DLG2: variants seen among roughly 807,000 people sequenced by gnomAD.
The protein encoded by DLG2 is discs large MAGUK scaffold protein 2.
Under a neutral mutation model 132.5 loss-of-function variants are expected in DLG2, and 45 were observed. That is an observed-to-expected ratio of 0.34 (90% confidence interval 0.27 to 0.44). The LOEUF (loss-of-function observed/expected upper bound fraction) is 0.44, where lower values mean the gene tolerates loss of function less well. Ranked by LOEUF, DLG2 falls within the 20% of genes least tolerant of loss-of-function variation. DLG2 has a pLI of 1.00. For synonymous variants in DLG2, 424 were observed against 419.6 expected, an observed-to-expected ratio of 1.01 and a Z score of -0.13; for missense variants, 1,045 against 1,196.9, an observed-to-expected ratio of 0.87 and a Z score of 1.87.
intron 8 of DLG2, among the ~76,000 whole-genome samples, chr11:84,177,345 C>T (rs2095999463): frequency 6.6e-6 from 1 of 152,122 alleles, no homozygotes; most frequent in African/African-American, 2.4e-5. Context: ...TATGCATGCA[C>T]ATATATACAC....
In DLG2 at chr11:83,462,891, A is replaced by C. The variant is rs143400390; in HGVS notation, c.2730-798T>G. Among the ~76,000 whole-genome samples, 7 of 152,316 alleles carry C rather than the reference A, an allele frequency of 4.6e-5. No homozygotes were observed. The East Asian group carries it at 1.3e-3, about 29-fold the overall frequency. ...AATTCTTGAATTCTCTCTAAAACCT[A>C]ATCTATTGATTCTTAACTACTGGCA... On this transcript the variant is annotated intron_variant, in intron 26 of 27. Transcript: ENST00000376104.
At chr11:84,342,905 G>A (rs1237726267) in intron 7 of DLG2, among the ~76,000 whole-genome samples, 1 of 152,128 alleles carries the variant, frequency 6.6e-6, no homozygotes, top group Non-Finnish European at 1.5e-5. Context: ...TGGAATGTGT[G>A]CTCATTCCAG....
chr11:84,443,622 T>C (rs1452895752), intron 7 of DLG2, among the ~76,000 whole-genome samples: 1 of 152,212 alleles, frequency 6.6e-6, no homozygotes. Context: ...TAACTCTTTG[T>C]AGTCTTGATA....
intron 7 of DLG2, among the ~76,000 whole-genome samples, chr11:84,458,222 A>G (rs1221359313): frequency 2.0e-5 from 3 of 150,882 alleles, no homozygotes. Context: ...ATTACAAACA[A>G]TACTGTGATA....
chr11:84,714,493 A>T (rs2060802118), intron 6 of DLG2, among the ~76,000 whole-genome samples: 1 of 151,422 alleles, frequency 6.6e-6, no homozygotes, highest in African/African-American at 2.4e-5. Flanking sequence ...GTGTTAGAGC[A>T]CCCTCTGGAG....
intron 3 of DLG2, among the ~76,000 whole-genome samples, chr11:85,451,176 T>C (rs969270751): frequency 2.6e-5 from 4 of 152,188 alleles, no homozygotes; most frequent in African/African-American, 9.7e-5. Flanking sequence ...TACTTATTAT[T>C]GTCAAAAGTC....
At position 84,252,493 on chromosome 11, in the gene DLG2, T is replaced by C. The variant is rs187026319; in HGVS notation, c.520-1202A>G. On this transcript the variant is annotated intron_variant, in intron 7 of 27. Transcript: ENST00000376104. ...AACCTCTAAATCCCTAGATAGAACA[T>C]TGACAGTCAAATATGACAGAAAATC... Among the ~76,000 whole-genome samples the C allele has an allele frequency of 1.2e-4, 19 of 152,276 alleles. No homozygotes were observed. In the East Asian group the frequency reaches 2.1e-3, roughly 17 times the overall value.
intron 7 of DLG2, among the ~76,000 whole-genome samples, chr11:84,369,242 C>G (rs192297366): frequency 4.6e-5 from 7 of 152,072 alleles, no homozygotes; most frequent in African/African-American, 1.4e-4. Context: ...GACTCCTTAT[C>G]CCAGCCACCA....
intron 3 of DLG2, among the ~76,000 whole-genome samples, chr11:85,361,154 G>C (rs1289317036): frequency 6.6e-6 from 1 of 151,906 alleles, no homozygotes; most frequent in Non-Finnish European, 1.5e-5. Context: ...TGTTATTCTT[G>C]GTCCACAAAC....
At chr11:84,775,963 C>G (rs1275587973) in intron 6 of DLG2, among the ~76,000 whole-genome samples, 1 of 152,080 alleles carries the variant, frequency 6.6e-6, no homozygotes, top group Non-Finnish European at 1.5e-5. Flanking sequence ...GATGTATGTG[C>G]GAAGAGCTCT....
rs574286931 is a variant in DLG2 at position 84,217,322 on chromosome 11, G to T, written c.573+33916C>A. On this transcript the variant is annotated intron_variant, in intron 8 of 27. Coordinates refer to ENST00000376104, the MANE Select transcript of DLG2 (RefSeq NM_001142699.3). ...GGCGGGAAGTAATTGAATCATGGGG[G>T]CAGGTCTTTCCTGTGCTATTCTCGT... 4.6e-5 allele frequency among the ~76,000 whole-genome samples: 7 copies of T among 152,230 alleles called. No homozygotes were observed. The East Asian group carries it at 1.4e-3, about 29-fold the overall frequency.
chr11:85,212,797 C>T (rs903553129), intron 4 of DLG2, among the ~76,000 whole-genome samples: 7 of 152,128 alleles, frequency 4.6e-5, no homozygotes, highest in African/African-American at 1.7e-4. Flanking sequence ...TCTCAATGTT[C>T]TTTCTATTAA....
chr11:85,245,981 T>C (rs540095889), intron 4 of DLG2, among the ~76,000 whole-genome samples: 3 of 152,054 alleles, frequency 2.0e-5, no homozygotes, highest in South Asian at 2.1e-4. Flanking sequence ...GTGATTCTTA[T>C]TCTATCATTT....
chr11:85,433,802 T>C (rs2091325985), intron 3 of DLG2, among the ~76,000 whole-genome samples: 1 of 152,138 alleles, frequency 6.6e-6, no homozygotes, highest in African/African-American at 2.4e-5. Flanking sequence ...TGAACTCAGC[T>C]CTGGATCAAG....
intron 19 of DLG2, among the ~76,000 whole-genome samples, chr11:83,578,021 CAA>C (rs1336716808): frequency 7.4e-6 from 1 of 135,354 alleles, no homozygotes; most frequent in African/African-American, 2.7e-5. Context: ...AAAATACTAA[CAA>C]TGTGTCATGG....
At chr11:84,749,660 T>G (rs988701492) in intron 6 of DLG2, among the ~76,000 whole-genome samples, 1 of 152,126 alleles carries the variant, frequency 6.6e-6, no homozygotes, top group Admixed American at 6.6e-5. Context: ...TGCCTAATGA[T>G]GCATTTCTCA....
intron 9 of DLG2, among the ~76,000 whole-genome samples, chr11:84,112,553 G>C (rs1386197914): frequency 2.6e-5 from 4 of 151,032 alleles, no homozygotes; most frequent in African/African-American, 7.3e-5. Flanking sequence ...CAGATAACTA[G>C]AGATTTTTTT....
chr11:85,419,175 C>T (rs2090101021), intron 3 of DLG2, among the ~76,000 whole-genome samples: 1 of 152,142 alleles, frequency 6.6e-6, no homozygotes, highest in Non-Finnish European at 1.5e-5. Context: ...TTCTCCTTCG[C>T]TTATGAAGCT....
At chr11:83,702,487 A>T (rs1452259733) in intron 18 of DLG2, among the ~76,000 whole-genome samples, 1 of 152,224 alleles carries the variant, frequency 6.6e-6, no homozygotes, top group African/African-American at 2.4e-5. Flanking sequence ...AGCTGTCATT[A>T]TTGCCCATGA....
Sources: allele counts gnomAD v4.1 joint callset (sites outside exome capture counted in the v4.1 genomes callset), GRCh38; gene constraint gnomAD v4.1.1; transcripts MANE v1.5; gene names NCBI Gene and HGNC (gene_info 2026-07-23, HGNC 2026-07-21).